GIT2: variants seen among roughly 807,000 people sequenced by gnomAD.
GIT2 encodes ARF GTPase-activating protein GIT2.
A neutral mutation model predicts 100.3 loss-of-function variants in GIT2; 32 were observed. The ratio of observed to expected loss-of-function variants is 0.32; its 90% CI spans 0.24 to 0.43. The LOEUF (loss-of-function observed/expected upper bound fraction) is 0.43. Among genes scored for constraint, GIT2 ranks in the 20% least tolerant of loss-of-function variants. The pLI is 1.00. For missense variants in GIT2, 737 were observed against 975.1 expected, an observed-to-expected ratio of 0.76 and a Z score of 3.25; for synonymous variants, 353 against 364.1, an observed-to-expected ratio of 0.97 and a Z score of 0.35.
chr12:109,998,788 T>A (rs1889773791), upstream of GIT2: 1 of 151,936 alleles, frequency 6.6e-6, no homozygotes, highest in Non-Finnish European at 1.5e-5. Context: ...AGACGACATT[T>A]GGCAATATCT....
At position 109,933,599 on chromosome 12, in the gene GIT2, TTTTA is replaced by T; in HGVS notation, c.2068-413_2068-410del. Reference sequence around the variant, plus strand: ...AAGCTCTATACGACTGCATATTTTATTTTATTTTACTTTTTTTTGAGACTTGAGT... The same window carrying T: ...AAGCTCTATACGACTGCATATTTTATTTTTACTTTTTTTTGAGACTTGAGT... On this transcript the variant is annotated intron_variant, in intron 19 of 19. Coordinates refer to ENST00000355312, the MANE Select transcript of GIT2 (RefSeq NM_057169.5). The surrounding 1 kb of genome is among the most constrained non-coding windows in gnomAD (Gnocchi z 4.5). 4.9e-6 allele frequency: 1 copy of T among 206,138 alleles called. No individual in the cohort carries two copies. The highest frequency in any genetic ancestry group is 9.9e-6 in the Non-Finnish European group (1 of 101,222). The allele number at this position is 206,138 out of a possible 1,614,324, so 12.8% of individuals were successfully genotyped here. A position where few individuals can be genotyped will look rare whatever the true frequency, so the allele number is the denominator to read the frequency against.
At position 109,933,001 on chromosome 12, in the gene GIT2, TG is replaced by T; in HGVS notation, c.2256del (p.Thr753ProfsTer45). The T allele has an allele frequency of 2.5e-6, 4 of 1,610,492 alleles. No individual in the cohort carries two copies. The highest frequency in any genetic ancestry group is 3.4e-6 in the Non-Finnish European group (4 of 1,176,948). ...TGTCAGTTGTTGTTCTCTTTGGTGG[TG>T]ATGGTAACCAGCTGCTTGGCAGCCT... The part of the protein sequence containing the change: ...IAKAAKQLVT[I>X]TTKENNN On this transcript the variant is annotated frameshift_variant, in exon 20 of 20. Coordinates refer to ENST00000355312, the MANE Select transcript of GIT2 (RefSeq NM_057169.5). LOFTEE classifies it high-confidence loss of function. The surrounding 1 kb of genome is among the most constrained non-coding windows in gnomAD (Gnocchi z 4.5).
At position 109,931,891 on chromosome 12, in the gene GIT2, T is replaced by C. The variant is rs1871696410; in HGVS notation, c.*1087A>G. On this transcript the variant is annotated 3_prime_UTR_variant, in exon 20 of 20. Coordinates refer to ENST00000355312, the MANE Select transcript of GIT2 (RefSeq NM_057169.5). ...TAAGGAACTCTTGAAAGTTGATGTC[T>C]AATTTTTAAGTACTCATGAGGTGAT... The C allele has an allele frequency of 6.6e-6, 1 of 152,250 alleles. No homozygotes were observed. The highest frequency in any genetic ancestry group is 1.5e-5 in the Non-Finnish European group (1 of 68,044). 9.4% of individuals were successfully genotyped at this position (152,250 alleles called of 1,614,324 possible). A position where few individuals can be genotyped will look rare whatever the true frequency, so the allele number is the denominator to read the frequency against.
chr12:109,999,643 C>G, upstream of GIT2: 3 of 1,467,958 alleles, frequency 2.0e-6, no homozygotes, highest in Non-Finnish European at 2.7e-6. This position sits in a 1 kb window ranked among gnomAD's most constrained non-coding sequence, Gnocchi z 4.3. Context: ...CCGCCGGGGC[C>G]GAGACTTGGG....
upstream of GIT2, chr12:109,996,506 T>C (rs1221444744): frequency 7.4e-6 from 3 of 406,014 alleles, no homozygotes; most frequent in Admixed American, 4.6e-5. Flanking sequence ...ATATTGAATT[T>C]GGGTCTTCTT....
chr12:109,989,083 A>T lies in GIT2; in HGVS notation c.300-15T>A. The stretch of plus-strand genomic sequence containing the variant: ...CTTTATTGGGACTGGTTCAAAAACA[A>T]AAAAGAAAACAGTTCACTCGTTCAG... On this transcript the variant is annotated splice_polypyrimidine_tract_variant and intron_variant, in intron 3 of 19. Transcript: ENST00000355312. 6.7e-7 allele frequency: 1 copy of T among 1,500,494 alleles called. No individual in the cohort carries two copies. The highest frequency in any genetic ancestry group is 9.3e-7 in the Non-Finnish European group (1 of 1,076,500). 92.9% of individuals were successfully genotyped at this position (1,500,494 alleles called of 1,614,324 possible).
At chr12:109,938,636 C>A in intron 17 of GIT2, 68 bp from the exon 18 acceptor site, 1 of 1,142,906 alleles carries the variant, frequency 8.7e-7, no homozygotes, top group Non-Finnish European at 1.3e-6. Context: ...TTCTAGGAGC[C>A]ACTTTGTATG....
intron 7 of GIT2, among the ~76,000 whole-genome samples, chr12:109,968,229 A>G (rs1484849315): frequency 1.3e-5 from 2 of 152,128 alleles, no homozygotes; most frequent in Admixed American, 1.3e-4. Flanking sequence ...TGTCTTTCCC[A>G]GCACCTGTAC....
In GIT2 at chr12:109,942,918, T is replaced by C. The variant is rs1437179840; in HGVS notation, c.1731+2342A>G. On this transcript the variant is annotated intron_variant, in intron 16 of 19. Transcript: ENST00000355312. ...TCAGTGTAGCCAGCATTTAATTGTA[T>C]CAAAAATATTATAAGCATGCAGAGC... 2.6e-5 allele frequency: 4 copies of C among 152,324 alleles called. No individual in the cohort carries two copies. The South Asian group carries it at 8.3e-4, about 32-fold the overall frequency. 9.4% of individuals were successfully genotyped at this position (152,324 alleles called of 1,614,324 possible).
Position 109,948,442 on chromosome 12 carries a change from C to G in GIT2, c.1393-938G>C. ...GAATGCTCCTTCCATTCCTCACATG[C>G]AGGCTGCTCCATGGTGCTGGATGGA... On this transcript the variant is annotated intron_variant, in intron 14 of 19. Transcript: ENST00000355312. The surrounding 1 kb of genome is among the most constrained non-coding windows in gnomAD (Gnocchi z 4.3). 9.8e-7 allele frequency: 1 copy of G among 1,025,278 alleles called. No individual in the cohort carries two copies. Among genetic ancestry groups the G allele is most frequent in the Non-Finnish European group, 1.2e-6 (1 of 856,222 alleles). The allele number at this position is 1,025,278 out of a possible 1,614,324, so 63.5% of individuals were successfully genotyped here.
Position 109,983,375 on chromosome 12 carries a change from T to C in GIT2, c.621A>G (p.Ala207=). 6.2e-7 allele frequency: 1 copy of C among 1,613,222 alleles called. No individual in the cohort carries two copies. Residue 207 remains alanine (A), a splice_region_variant and synonymous_variant, in exon 6 of 20, where the codon GCA becomes GCG. Transcript: ENST00000355312. ...DSSGKTPVDY[A]RQGGHHELAE... is the part of the protein sequence containing the mutation. ...TAGCGAGAATCTAGGTCTCTTACCT[T>C]GCATAATCAACGGGAGTTTTCCCAC... is the stretch of plus-strand genomic sequence containing the variant.
intron 13 of GIT2, chr12:109,952,878 C>T: frequency 1.7e-6 from 1 of 591,688 alleles, no homozygotes; most frequent in Non-Finnish European, 3.0e-6. Context: ...ATGAATAAAA[C>T]ACACCAATCA....
At chr12:109,999,703 C>T (rs1011211037), upstream of GIT2, 6 of 1,535,466 alleles carry the variant, frequency 3.9e-6, no homozygotes, top group Middle Eastern at 1.7e-4. The surrounding 1 kb of genome is among the most constrained non-coding windows in gnomAD (Gnocchi z 4.3). Flanking sequence ...CCTCGGCCTG[C>T]GACGCGGGCG....
At chr12:109,935,469 TC>T (rs1160746947) in intron 18 of GIT2, among the ~76,000 whole-genome samples, 1 of 152,122 alleles carries the variant, frequency 6.6e-6, no homozygotes, top group Non-Finnish European at 1.5e-5. Flanking sequence ...CACTGCAACC[TC>T]CGCCTCCTGG....
intron 1 of GIT2, among the ~76,000 whole-genome samples, chr12:109,994,398 C>T (rs1003901267): frequency 6.6e-6 from 1 of 152,162 alleles, no homozygotes. Context: ...AATTCGTTCA[C>T]GTGCATTTTA....
chr12:109,953,471 T>C, intron 12 of GIT2: 1 of 420,230 alleles, frequency 2.4e-6, no homozygotes, highest in Admixed American at 3.9e-5. Flanking sequence ...AATTTAAAAA[T>C]TATCCAGGCC....
chr12:109,933,909 A>G lies in GIT2; in HGVS notation c.2067+113T>C, dbSNP rs1231199627. ...AGCCACCACACCCGGCCTCGACTGC[A>G]TATTTTAAAACTGCATGTGCTACAA... On this transcript the variant is annotated intron_variant, in intron 19 of 19. Transcript: ENST00000355312. The surrounding 1 kb of genome is among the most constrained non-coding windows in gnomAD (Gnocchi z 4.5). The G allele has an allele frequency of 4.1e-6, 3 of 738,926 alleles. No homozygotes were observed. The highest frequency in any genetic ancestry group is 2.6e-5 in the East Asian group (1 of 38,268). The allele number at this position is 738,926 out of a possible 1,614,324, so 45.8% of individuals were successfully genotyped here.
rs551903451 is a variant in GIT2, at chr12:109,985,427, GAAA to G, written c.406-1736_406-1734del. Among the ~76,000 whole-genome samples, 468 of 151,984 alleles carry G rather than the reference GAAA, an allele frequency of 3.1e-3. 1 individual carries two copies. The highest frequency in any genetic ancestry group is 0.011 in the African/African-American group (442 of 41,460). ...CTGCTGGGGATTAAAAAAGGGGGGGGAAAAAAGGCCAGATGTGGTGGCTCACGC... is the reference window on the plus strand; with the variant it reads ...CTGCTGGGGATTAAAAAAGGGGGGGGAAAGGCCAGATGTGGTGGCTCACGC... On this transcript the variant is annotated intron_variant, in intron 4 of 19. Transcript: ENST00000355312.
At chr12:109,973,110 G>A (rs1171670769) in intron 7 of GIT2, among the ~76,000 whole-genome samples, 3 of 152,052 alleles carry the variant, frequency 2.0e-5, no homozygotes, top group Non-Finnish European at 4.4e-5. Flanking sequence ...TTACCACTGT[G>A]AGCCACTATG....
Sources: gnomAD v4.1 joint callset for allele counts (sites outside exome capture counted in the v4.1 genomes callset) on GRCh38, gnomAD v4.1.1 for gene constraint, Gnocchi (gnomAD v3.1) non-coding constraint, MANE v1.5 for transcripts, NCBI Gene and HGNC (gene_info 2026-07-23, HGNC 2026-07-21) for gene names.